The following EOGT variants were observed in gnomAD, a reference collection of about 807,000 sequenced individuals.
EOGT encodes EGF domain-specific O-linked N-acetylglucosamine transferase.
EOGT carries 55 observed loss-of-function variants against 70.5 expected under a neutral mutation model. The observed-to-expected ratio is 0.78, with a 90% confidence interval of 0.63 to 0.98. EOGT has a LOEUF of 0.98. Ranked by LOEUF, EOGT falls within the 50% of genes least tolerant of loss-of-function variation. The probability of loss-of-function intolerance (pLI) is 0.00; values close to 1 mark genes in which losing one functional copy is unlikely to be tolerated. For missense variants in EOGT, 703 were observed against 641.9 expected (o/e 1.10, Z -1.03); for synonymous variants, 246 against 217.1 (o/e 1.13, Z -1.17).
At chr3:68,990,634 A>G (rs2090968844) in intron 10 of EOGT, among the ~76,000 whole-genome samples, 1 of 152,066 alleles carries the variant, frequency 6.6e-6, no homozygotes, top group South Asian at 2.1e-4. Flanking sequence ...GATTACAGAA[A>G]CCACACCCAG....
At chr3:69,013,544 A>C (rs980065328) in intron 1 of EOGT, 30 bp downstream of exon 1, 7 of 154,108 alleles carry the variant, frequency 4.5e-5, no homozygotes, top group Non-Finnish European at 1.0e-4. Flanking sequence ...AGAGCGGGGG[A>C]AGGCTCCGCA....
Position 69,008,534 on chromosome 3 carries a change from A to G in EOGT, c.211-6T>C, listed in dbSNP as rs1323590149. Reference sequence around the variant, plus strand: ...TTTAGCTTCTCTAGGTGTTTCTAGAACATAAAACTTACATTGATTTCCCTT... The same window carrying G: ...TTTAGCTTCTCTAGGTGTTTCTAGAGCATAAAACTTACATTGATTTCCCTT... On this transcript the variant is annotated splice_polypyrimidine_tract_variant and splice_region_variant and intron_variant, in intron 4 of 17. Coordinates refer to ENST00000383701, the MANE Select transcript of EOGT (RefSeq NM_001278689.2). 6.3e-7 allele frequency: 1 copy of G among 1,599,262 alleles called. No homozygotes were observed. The highest frequency in any genetic ancestry group is 1.1e-5 in the South Asian group (1 of 90,448).
chr3:68,983,399 T>G (rs921240642), intron 14 of EOGT, among the ~76,000 whole-genome samples: 1 of 152,216 alleles, frequency 6.6e-6, no homozygotes, highest in African/African-American at 2.4e-5. Context: ...TACTTCTACA[T>G]AGAAAAACAA....
rs908908548 is a variant in EOGT at position 68,976,535 on chromosome 3, T to C, written c.*1083A>G. The C allele has an allele frequency of 6.6e-6, 1 of 152,156 alleles. No homozygotes were observed. Among genetic ancestry groups the C allele is most frequent in the African/African-American group, 2.4e-5 (1 of 41,440 alleles). The allele number at this position is 152,156 out of a possible 1,614,324, so 9.4% of individuals were successfully genotyped here. On this transcript the variant is annotated 3_prime_UTR_variant, in exon 18 of 18. Coordinates refer to ENST00000383701, the MANE Select transcript of EOGT (RefSeq NM_001278689.2). ...ATATGAAACATGTAATATAAATTAA[T>C]ATAGTGGCATGATTTATTCAGGTTC...
chr3:69,008,493 A>C lies in EOGT; in HGVS notation c.246T>G (p.Tyr82Ter), dbSNP rs752599636. The C allele has an allele frequency of 6.2e-7, 1 of 1,614,122 alleles. No homozygotes were observed. Among genetic ancestry groups the C allele is most frequent in the Admixed American group, 1.7e-5 (1 of 60,024 alleles). The change falls in exon 5 of 18, where the codon TAT (tyrosine) becomes TAG (stop). Residue 82 changes from tyrosine to a stop codon, truncating the protein, a stop_gained. Transcript: ENST00000383701. LOFTEE classifies it high-confidence loss of function. ...TGAACTCTGGTTTGCAGGATTTCTC[A>C]TAACCCCAGCAGTACTTTAGCTTCT... Reference protein sequence around the residue: ...HLEKLKYCWGYEKSCKPEFRF... With the variant: ...HLEKLKYCWG
intron 7 of EOGT, 86 bp downstream of exon 7, chr3:69,005,054 C>G (rs2091403297): frequency 2.7e-6 from 2 of 745,574 alleles, no homozygotes; most frequent in Non-Finnish European, 4.3e-6. Context: ...AGAGCAAGAC[C>G]CTGTCTCAAA....
chr3:69,001,388 C>A (rs1344467995), intron 9 of EOGT, among the ~76,000 whole-genome samples: 1 of 152,038 alleles, frequency 6.6e-6, no homozygotes. Context: ...TTGGTTAAGT[C>A]CTTTGATATA....
chr3:68,988,825 T>C (rs1388297215), intron 11 of EOGT, 100 bp downstream of exon 11: 6 of 669,810 alleles, frequency 9.0e-6, no homozygotes, highest in East Asian at 8.4e-5. Flanking sequence ...CAGAAATCAG[T>C]GGTAATGGCT....
chr3:68,991,011 T>C (rs904567102), intron 10 of EOGT, among the ~76,000 whole-genome samples: 6 of 151,712 alleles, frequency 4.0e-5, no homozygotes, highest in Non-Finnish European at 8.8e-5. Flanking sequence ...CAATAATAAA[T>C]AAAGGGCAAT....
intron 15 of EOGT, 57 bp from the exon 16 acceptor site, chr3:68,979,844 GAGTT>G: frequency 1.3e-6 from 2 of 1,546,416 alleles, no homozygotes; most frequent in African/African-American, 2.7e-5. Context: ...GTATTAGGTT[GAGTT>G]AGTTCATGAT....
At chr3:69,007,285 C>T (rs572580944) in intron 6 of EOGT, among the ~76,000 whole-genome samples, 3 of 152,266 alleles carry the variant, frequency 2.0e-5, no homozygotes, top group Admixed American at 2.0e-4. Context: ...GAATTCCTTT[C>T]ATAGTGCCGT....
intron 3 of EOGT, among the ~76,000 whole-genome samples, chr3:69,010,635 G>A (rs1265512818): frequency 1.3e-5 from 2 of 152,118 alleles, no homozygotes; most frequent in Non-Finnish European, 2.9e-5. Context: ...AAAGTGTTTC[G>A]AAAACTATCT....
chr3:68,979,330 T>G lies in EOGT; in HGVS notation c.1334+338A>C, dbSNP rs7640110. 2.2e-3 allele frequency among the ~76,000 whole-genome samples: 329 copies of G among 152,322 alleles called. 2 individuals carry two copies. The highest frequency in any genetic ancestry group is 7.5e-3 in the African/African-American group (311 of 41,574). ...ATGTCGTGCATGAGACATAAATGCT[T>G]TCTTTTAACACAATAACTACACTGT... On this transcript the variant is annotated intron_variant, in intron 16 of 17. Transcript: ENST00000383701.
intron 6 of EOGT, among the ~76,000 whole-genome samples, chr3:69,007,169 T>C (rs1340060458): frequency 6.6e-6 from 1 of 152,178 alleles, no homozygotes; most frequent in Non-Finnish European, 1.5e-5. Context: ...AAAATATGAC[T>C]ATCTGATAAA....
chr3:69,012,182 G>C (rs1342818424), intron 2 of EOGT, among the ~76,000 whole-genome samples, 191 bp from the exon 3 acceptor site: 1 of 152,106 alleles, frequency 6.6e-6, no homozygotes, highest in Non-Finnish European at 1.5e-5. Flanking sequence ...GAGTTCACAG[G>C]CACCACCCCC....
intron 4 of EOGT, 106 bp from the exon 5 acceptor site, chr3:69,008,634 T>C: frequency 1.4e-6 from 1 of 739,656 alleles, no homozygotes; most frequent in Non-Finnish European, 2.3e-6. Context: ...CACATTTACA[T>C]TTATAATACG....
At chr3:68,989,489 T>C (rs913198210) in intron 10 of EOGT, among the ~76,000 whole-genome samples, 2 of 152,086 alleles carry the variant, frequency 1.3e-5, no homozygotes, top group African/African-American at 4.8e-5. Flanking sequence ...GGCTCACAGC[T>C]GTAATCCCAG....
chr3:68,981,345 A>G (rs2090634900), intron 15 of EOGT, among the ~76,000 whole-genome samples: 1 of 152,210 alleles, frequency 6.6e-6, no homozygotes, highest in South Asian at 2.1e-4. Context: ...GCACAAATGA[A>G]CTAATGTATG....
chr3:68,988,196 CA>C (rs2090871179), intron 13 of EOGT, 98 bp downstream of exon 13: 2 of 857,520 alleles, frequency 2.3e-6, no homozygotes, highest in East Asian at 5.4e-5. Flanking sequence ...AACACAAAAA[CA>C]TGGTCTCCTG....
Sources: gnomAD v4.1 joint callset for allele counts (sites outside exome capture counted in the v4.1 genomes callset) on GRCh38, gnomAD v4.1.1 for gene constraint, MANE v1.5 for transcripts, NCBI Gene and HGNC (gene_info 2026-07-23, HGNC 2026-07-21) for gene names.